The following ADGRB3 variants were observed in gnomAD, a reference collection of about 807,000 sequenced individuals.
ADGRB3 encodes adhesion G protein-coupled receptor B3.
ADGRB3 carries 37 observed loss-of-function variants against 193.4 expected under a neutral mutation model. The observed-to-expected ratio is 0.19, with a 90% confidence interval of 0.15 to 0.25. The LOEUF (loss-of-function observed/expected upper bound fraction) is 0.25. ADGRB3 is among the 10% of genes least tolerant of loss of function. ADGRB3 has a pLI of 1.00. For synonymous variants in ADGRB3, 690 were observed against 644.2 expected, an observed-to-expected ratio of 1.07 and a Z score of -1.08; for missense variants, 1,637 against 1,852.9, an observed-to-expected ratio of 0.88 and a Z score of 2.14.
At chr6:69,338,870 C>T (rs781486812) in intron 24 of ADGRB3, 46 bp from the exon 25 acceptor site, 3 of 1,538,398 alleles carry the variant, frequency 2.0e-6, no homozygotes, top group East Asian at 2.3e-5. Flanking sequence ...TTTTTGGTGA[C>T]AATTCAATAT....
intron 26 of ADGRB3, 51 bp downstream of exon 26, chr6:69,339,555 CT>C: frequency 1.3e-6 from 2 of 1,550,688 alleles, no homozygotes; most frequent in Non-Finnish European, 1.8e-6. Flanking sequence ...ATGGTATTTC[CT>C]TGCTAAAAAG....
At chr6:68,644,472 T>C (rs1245887875) in intron 3 of ADGRB3, among the ~76,000 whole-genome samples, 1 of 152,176 alleles carries the variant, frequency 6.6e-6, no homozygotes, top group Non-Finnish European at 1.5e-5. Context: ...TCTCTGTTTC[T>C]CTTTTCTGGC....
intron 3 of ADGRB3, among the ~76,000 whole-genome samples, chr6:68,648,810 A>C (rs192314201): frequency 6.6e-6 from 1 of 150,786 alleles, no homozygotes; most frequent in Non-Finnish European, 1.5e-5. Flanking sequence ...TTAAATTTCT[A>C]TATTTATGTA....
intron 3 of ADGRB3, among the ~76,000 whole-genome samples, chr6:68,854,348 A>G (rs1764896603): frequency 6.6e-6 from 1 of 152,154 alleles, no homozygotes; most frequent in Admixed American, 6.6e-5. Context: ...ATTAATAATG[A>G]TATATTGTAT....
At chr6:68,910,234 C>T (rs1766662118) in intron 3 of ADGRB3, among the ~76,000 whole-genome samples, 1 of 152,168 alleles carries the variant, frequency 6.6e-6, no homozygotes, top group Non-Finnish European at 1.5e-5. Context: ...ATAGCCTTCA[C>T]CCATTTGTCG....
At chr6:68,760,828 T>A (rs1442648993) in intron 3 of ADGRB3, among the ~76,000 whole-genome samples, 1 of 152,184 alleles carries the variant, frequency 6.6e-6, no homozygotes, top group Non-Finnish European at 1.5e-5. Context: ...GACACTATAA[T>A]AGCAGCATGT....
At chr6:69,388,199 T>C (rs749806804) in intron 31 of ADGRB3, among the ~76,000 whole-genome samples, 1 of 152,144 alleles carries the variant, frequency 6.6e-6, no homozygotes, top group Non-Finnish European at 1.5e-5. Flanking sequence ...TCTAAAATGT[T>C]AATTTCTTGA....
chr6:68,884,005 T>C (rs1337365007), intron 3 of ADGRB3, among the ~76,000 whole-genome samples: 2 of 151,136 alleles, frequency 1.3e-5, no homozygotes, highest in Non-Finnish European at 1.5e-5. Context: ...AAAGCAGAAT[T>C]AAAAGATATT....
At chr6:69,252,381 G>A (rs570789691) in intron 20 of ADGRB3, among the ~76,000 whole-genome samples, 1 of 152,006 alleles carries the variant, frequency 6.6e-6, no homozygotes, top group East Asian at 1.9e-4. Flanking sequence ...AAAAATCTTT[G>A]TATGGACATG....
At chr6:69,353,605 A>T (rs190257088) in intron 26 of ADGRB3, among the ~76,000 whole-genome samples, 1 of 152,362 alleles carries the variant, frequency 6.6e-6, no homozygotes, top group Admixed American at 6.5e-5. Flanking sequence ...CATATTACGT[A>T]CAACAGTGGA....
chr6:68,639,514 C>T (rs1365338270), intron 3 of ADGRB3, 82 bp downstream of exon 3: 13 of 1,396,418 alleles, frequency 9.3e-6, no homozygotes, highest in Non-Finnish European at 1.2e-5. Flanking sequence ...AACACACAGG[C>T]CTAATTATTT....
intron 3 of ADGRB3, among the ~76,000 whole-genome samples, chr6:68,648,292 A>G (rs953266145): frequency 6.6e-6 from 1 of 152,128 alleles, no homozygotes. Flanking sequence ...ACCAGTCCCT[A>G]TCACACAATG....
rs367970952 is a variant in ADGRB3 at position 69,233,370 on chromosome 6, A to G, written c.2561A>G (p.Asp854Gly). The G allele has an allele frequency of 5.0e-6, 8 of 1,613,968 alleles. No individual in the cohort carries two copies. Among genetic ancestry groups the G allele is most frequent in the South Asian group, 1.1e-5 (1 of 91,076 alleles). Residue 854 changes from aspartate (D) to glycine (G), a missense_variant, in exon 18 of 32, where the codon GAT (aspartate) becomes GGT (glycine). Asp to Gly is a moderately conservative substitution (Grantham distance 94). Around this residue, in one of 7 missense-constraint regions of ADGRB3, gnomAD observed 641 missense variants for 673.9 expected, o/e 0.95. Transcript: ENST00000370598. Reference protein sequence around the residue: ...TDASHTKCLCDRLSTFAILAQ... With the variant: ...TDASHTKCLCGRLSTFAILAQ... ...GCATCCCATACGAAATGCTTATGTG[A>G]TCGTCTCTCTACCTTCGCCATTTTG...
intron 20 of ADGRB3, among the ~76,000 whole-genome samples, chr6:69,309,092 A>G (rs1313559899): frequency 6.6e-6 from 1 of 151,760 alleles, no homozygotes; most frequent in Non-Finnish European, 1.5e-5. Context: ...CTTAATTACC[A>G]GTAAGCAAGA....
chr6:69,369,189 A>G (rs1210585597), intron 29 of ADGRB3, among the ~76,000 whole-genome samples: 2 of 152,166 alleles, frequency 1.3e-5, no homozygotes, highest in African/African-American at 4.8e-5. Context: ...ACAATTTCCA[A>G]TCACTTTCTT....
intron 3 of ADGRB3, among the ~76,000 whole-genome samples, chr6:68,663,883 G>T (rs555763907): frequency 4.0e-5 from 6 of 151,840 alleles, no homozygotes; most frequent in African/African-American, 1.4e-4. Flanking sequence ...GTGATCTTTA[G>T]AGTTACATTA....
chr6:69,195,972 T>C (rs989902941), intron 17 of ADGRB3, among the ~76,000 whole-genome samples: 1 of 152,136 alleles, frequency 6.6e-6, no homozygotes, highest in Non-Finnish European at 1.5e-5. Flanking sequence ...GCATAATAAT[T>C]CATGGAAAGG....
chr6:68,866,864 T>C (rs1184748518), intron 3 of ADGRB3, among the ~76,000 whole-genome samples: 1 of 152,160 alleles, frequency 6.6e-6, no homozygotes, highest in Non-Finnish European at 1.5e-5. Flanking sequence ...CAGGAGAAAC[T>C]TCCAAGTAAA....
chr6:69,053,465 T>A (rs948425002), intron 15 of ADGRB3, among the ~76,000 whole-genome samples: 5 of 152,230 alleles, frequency 3.3e-5, no homozygotes, highest in Non-Finnish European at 5.9e-5. Flanking sequence ...TGAGTATATC[T>A]GTATCCATTG....
Sources: allele counts gnomAD v4.1 joint callset (sites outside exome capture counted in the v4.1 genomes callset), GRCh38; gene constraint gnomAD v4.1.1; regional missense constraint gnomAD v4.1.1; transcripts MANE v1.5; gene names NCBI Gene and HGNC (gene_info 2026-07-23, HGNC 2026-07-21).